The following HLA-DRB5 variants were observed in gnomAD, a reference collection of about 807,000 sequenced individuals.
HLA-DRB5 encodes DR beta-5.
In HLA-DRB5, 11 loss-of-function variants were observed where a neutral mutation model predicts 22.4. The observed-to-expected ratio is 0.49, with a 90% confidence interval of 0.31 to 0.81. The LOEUF is 0.81. HLA-DRB5 is among the 40% of genes least tolerant of loss of function. The pLI is 0.05. For synonymous variants in HLA-DRB5, 57 were observed against 106.0 expected, an observed-to-expected ratio of 0.54 and a Z score of 2.84; for missense variants, 106 against 274.4, an observed-to-expected ratio of 0.39 and a Z score of 4.34.
Position 32,526,420 on chromosome 6 carries a change from T to G in HLA-DRB5, c.100+3705A>C, listed in dbSNP as rs1442762192. On this transcript the variant is annotated intron_variant, in intron 1 of 5. Transcript: ENST00000374975. ...CCTTTTCTTTTTTCTCCAGACAATC[T>G]CCCTATGTAACCTCTTCCACTCCCT... Among the ~76,000 whole-genome samples the G allele has an allele frequency of 7.3e-5, 2 of 27,222 alleles. 1 individual carries two copies. Among genetic ancestry groups the G allele is most frequent in the African/African-American group, 2.5e-4 (2 of 8,150 alleles). The allele number at this position is 27,222 out of a possible 152,430, so 17.9% of individuals were successfully genotyped here.
At chr6:32,528,692 C>T (rs58660424) in intron 1 of HLA-DRB5, among the ~76,000 whole-genome samples, 4,277 of 39,878 alleles carry the variant, frequency 0.11, 1,995 homozygotes, top group Middle Eastern at 0.28. Context: ...TGCCTGGGTG[C>T]GGTGGCTTAC....
intron 1 of HLA-DRB5, among the ~76,000 whole-genome samples, chr6:32,524,919 C>A (rs1327763573): frequency 2.5e-5 from 1 of 39,396 alleles, no homozygotes; most frequent in Admixed American, 3.3e-4. Context: ...TATCTGACAA[C>A]CCTAGCCAGA....
chr6:32,519,568 A>G lies in HLA-DRB5; in HGVS notation c.454T>C (p.Tyr152His). The G allele has an allele frequency of 1.5e-6, 2 of 1,348,518 alleles. No homozygotes were observed. The highest frequency in any genetic ancestry group is 2.4e-5 in the South Asian group (2 of 84,662). 83.5% of individuals were successfully genotyped at this position (1,348,518 alleles called of 1,614,324 possible). ...NLLVCSVNGF[Y>H]PGSIEVRWFR... ...CACCTGACTTCAATGCTGCCTGGAT[A>G]GAAACCATTCACAGAGCAGACCAGG... is the stretch of plus-strand genomic sequence containing the variant. Residue 152 changes from tyrosine (Y) to histidine (H), a missense_variant, in exon 3 of 6, where the codon TAT becomes CAT. Physicochemically the swap from Tyr to His is moderately conservative, Grantham distance 83 (BLOSUM62 2). Coordinates refer to ENST00000374975, the MANE Select transcript of HLA-DRB5 (RefSeq NM_002125.4).
intron 1 of HLA-DRB5, among the ~76,000 whole-genome samples, chr6:32,523,767 T>A (rs1475340126): frequency 1.8e-5 from 1 of 54,076 alleles, no homozygotes; most frequent in Non-Finnish European, 3.9e-5. Flanking sequence ...CAAGCAAAAA[T>A]AAACCATAAA....
chr6:32,526,210 T>A (rs201675757), intron 1 of HLA-DRB5, among the ~76,000 whole-genome samples: 11,834 of 32,878 alleles, frequency 0.36, 4,018 homozygotes, highest in Middle Eastern at 0.58. Context: ...GCTCCACCAA[T>A]CCCAGCCGTT....
At chr6:32,528,352 C>A in intron 1 of HLA-DRB5, among the ~76,000 whole-genome samples, 1 of 102,292 alleles carries the variant, frequency 9.8e-6, no homozygotes, top group African/African-American at 3.5e-5. Flanking sequence ...TCGGGACCCT[C>A]TCTATCTTAC....
chr6:32,526,218 G>T (rs193031251), intron 1 of HLA-DRB5, among the ~76,000 whole-genome samples: 38 of 39,424 alleles, frequency 9.6e-4, no homozygotes, highest in Non-Finnish European at 1.4e-3. Flanking sequence ...AATCCCAGCC[G>T]TTGCTTCTCT....
chr6:32,530,084 C>G, intron 1 of HLA-DRB5, 41 bp downstream of exon 1: 1 of 1,004,002 alleles, frequency 1.0e-6, no homozygotes, highest in Non-Finnish European at 1.4e-6. Context: ...TCCCTATTTT[C>G]CCCACCCCAT....
At chr6:32,525,004 T>A (rs115904597) in intron 1 of HLA-DRB5, among the ~76,000 whole-genome samples, 1,260 of 34,870 alleles carry the variant, frequency 0.036, 440 homozygotes, top group Middle Eastern at 0.058. Flanking sequence ...TATGATAGAC[T>A]TATAGAACTT....
chr6:32,518,516 G>T, intron 4 of HLA-DRB5, 40 bp downstream of exon 4: 1 of 498,854 alleles, frequency 2.0e-6, no homozygotes, highest in Non-Finnish European at 3.1e-6. Context: ...TCCTCCTCTG[G>T]AAAAGTCTAT....
At chr6:32,522,222 A>C in intron 1 of HLA-DRB5, 48 bp from the exon 2 acceptor site, 1 of 666,030 alleles carries the variant, frequency 1.5e-6, no homozygotes, top group Non-Finnish European at 2.2e-6. Flanking sequence ...TCCGGGGAAG[A>C]TACTGACAGA....
At position 32,518,571 on chromosome 6, in the gene HLA-DRB5, A is replaced by G; in HGVS notation, c.748T>C (p.Phe250Leu). Residue 250 changes from phenylalanine (F) to leucine (L), a missense_variant, in exon 4 of 6, where the codon TTC becomes CTC. Physicochemically the swap from Phe to Leu is conservative, Grantham distance 22. Transcript: ENST00000374975. ...LFLGAGLFIY[F>L]KNQKGHSGLH... is the part of the protein sequence containing the mutation. ...GGCTCCTCACCTTTCTGATTCTTGA[A>G]GTAGATGAATAGCCCGGCCCCAAGG... The G allele has an allele frequency of 1.8e-6, 1 of 571,290 alleles. No individual in the cohort carries two copies. Among genetic ancestry groups the G allele is most frequent in the Non-Finnish European group, 2.5e-6 (1 of 407,654 alleles). 35.4% of individuals were successfully genotyped at this position (571,290 alleles called of 1,614,324 possible).
rs188724251 is a variant in HLA-DRB5 at position 32,518,343 on chromosome 6, A to G, written c.763+213T>C. On this transcript the variant is annotated intron_variant, in intron 4 of 5. Transcript: ENST00000374975. ...AAACCAAAGGACCCTTAACTAGTTA[A>G]CCTTTCTCTTATCTCTGCAGGCCAC... Among the ~76,000 whole-genome samples, 110 of 32,462 alleles carry G rather than the reference A, an allele frequency of 3.4e-3. 27 individuals carry two copies. The highest frequency in any genetic ancestry group is 4.4e-3 in the Non-Finnish European group (67 of 15,086). 21.3% of individuals were successfully genotyped at this position (32,462 alleles called of 152,430 possible).
chr6:32,530,008 G>A (rs980934105), intron 1 of HLA-DRB5, 117 bp downstream of exon 1: 43,616 of 521,224 alleles, frequency 0.084, 678 homozygotes, highest in African/African-American at 0.16. Flanking sequence ...GATAAAGATG[G>A]GCAATCTCTG....
intron 1 of HLA-DRB5, among the ~76,000 whole-genome samples, chr6:32,524,074 A>T (rs72508445): frequency 1.1e-4 from 5 of 46,014 alleles, no homozygotes; most frequent in African/African-American, 1.6e-4. Context: ...CCTGGGTAAG[A>T]ACCACAGGTG....
chr6:32,529,895 G>A (rs79573476), intron 1 of HLA-DRB5, among the ~76,000 whole-genome samples: 33,587 of 148,512 alleles, frequency 0.23, 32 homozygotes, highest in East Asian at 0.29. Flanking sequence ...TTCATTGGTG[G>A]AGATTTGAGA....
In HLA-DRB5 at chr6:32,520,276, A is replaced by C. The variant is rs190193028; in HGVS notation, c.371-625T>G. 2.6e-3 allele frequency among the ~76,000 whole-genome samples: 168 copies of C among 64,902 alleles called. 1 individual carries two copies. Among genetic ancestry groups the C allele is most frequent in the East Asian group, 9.7e-3 (25 of 2,572 alleles). The allele number at this position is 64,902 out of a possible 152,430, so 42.6% of individuals were successfully genotyped here. A position where few individuals can be genotyped will look rare whatever the true frequency, so the allele number is the denominator to read the frequency against. ...GATTTAAAGTAATGTGGATAGATAA[A>C]GGGACCGAGTAGGGTACAAAAGGAG... On this transcript the variant is annotated intron_variant, in intron 2 of 5. Coordinates refer to ENST00000374975, the MANE Select transcript of HLA-DRB5 (RefSeq NM_002125.4).
At chr6:32,519,030 A>C (rs1156580242) in intron 3 of HLA-DRB5, among the ~76,000 whole-genome samples, 1 of 104,672 alleles carries the variant, frequency 9.6e-6, no homozygotes, top group Non-Finnish European at 2.1e-5. Flanking sequence ...CTCTTCCCAG[A>C]TCACAACAAA....
At chr6:32,520,504 T>A in intron 2 of HLA-DRB5, among the ~76,000 whole-genome samples, 1 of 57,134 alleles carries the variant, frequency 1.8e-5, no homozygotes, top group Non-Finnish European at 3.7e-5. Flanking sequence ...TACATTTAGC[T>A]GATCAATGCA....
Sources: allele counts gnomAD v4.1 joint callset (sites outside exome capture counted in the v4.1 genomes callset), GRCh38; gene constraint gnomAD v4.1.1; transcripts MANE v1.5; gene names NCBI Gene and HGNC (gene_info 2026-07-23, HGNC 2026-07-21).